NUP214: variants seen among roughly 807,000 people sequenced by gnomAD.
The protein encoded by NUP214 is nucleoporin 214.
A neutral mutation model predicts 196.2 loss-of-function variants in NUP214; 79 were observed. The ratio of observed to expected loss-of-function variants is 0.40; its 90% CI spans 0.34 to 0.49. NUP214 has a LOEUF of 0.49. NUP214 is among the 20% of genes least tolerant of loss of function. The pLI is 0.58. For synonymous variants in NUP214, 1,020 were observed against 990.5 expected, an observed-to-expected ratio of 1.03 and a Z score of -0.56; for missense variants, 2,468 against 2,539.0, an observed-to-expected ratio of 0.97 and a Z score of 0.60.
At chr9:131,214,938 C>G (rs554278840) in intron 30 of NUP214, among the ~76,000 whole-genome samples, 12 of 152,084 alleles carry the variant, frequency 7.9e-5, no homozygotes, top group Non-Finnish European at 1.3e-4. Context: ...ACAGACACTG[C>G]GGGCAGTGTA....
intron 21 of NUP214, among the ~76,000 whole-genome samples, chr9:131,171,234 A>G (rs1832947487): frequency 6.6e-6 from 1 of 152,184 alleles, no homozygotes; most frequent in African/African-American, 2.4e-5. Context: ...GGGTTCCTCC[A>G]CCGAAGGCAG....
At chr9:131,128,239 A>G (rs1251212058) in intron 2 of NUP214, 93 bp from the exon 3 acceptor site, 2 of 1,181,852 alleles carry the variant, frequency 1.7e-6, no homozygotes, top group South Asian at 1.6e-5. Context: ...GTTTATGTAG[A>G]TGCAAAAATT....
intron 3 of NUP214, chr9:131,128,722 C>G (rs545769836): frequency 3.0e-5 from 13 of 427,626 alleles, no homozygotes; most frequent in Non-Finnish European, 5.4e-5. Context: ...GGTGACTTGC[C>G]CAAAGTCATA....
chr9:131,212,109 G>A (rs773584027), intron 30 of NUP214, among the ~76,000 whole-genome samples: 1 of 152,166 alleles, frequency 6.6e-6, no homozygotes, highest in African/African-American at 2.4e-5. Flanking sequence ...TGTCTTACAC[G>A]GTTGTAGATG....
chr9:131,216,727 A>T (rs901125336), intron 31 of NUP214, among the ~76,000 whole-genome samples: 1 of 151,286 alleles, frequency 6.6e-6, no homozygotes, highest in Non-Finnish European at 1.5e-5. Flanking sequence ...GGGTTTTACC[A>T]TGTTGGCCAG....
Position 131,228,249 on chromosome 9 carries a change from C to G in NUP214, c.5992C>G (p.Pro1998Ala), listed in dbSNP as rs759938530. The G allele has an allele frequency of 1.9e-6, 3 of 1,605,708 alleles. No individual in the cohort carries two copies. Among genetic ancestry groups the G allele is most frequent in the Non-Finnish European group, 1.7e-6 (2 of 1,177,314 alleles). Residue 1998 changes from proline (P) to alanine (A), a missense_variant, in exon 33 of 36, where the codon CCA (proline) becomes GCA (alanine). Pro to Ala is a conservative substitution (Grantham distance 27, BLOSUM62 -1). This residue lies in a region of NUP214 where 262 missense variants were observed against 296.5 expected (regional missense o/e 0.88). Coordinates refer to ENST00000359428, the MANE Select transcript of NUP214 (RefSeq NM_005085.4). ...AGGGGTGCCAGCATTCGGTTCAGCC[C>G]CAGCCTTTACAAGCCCTCTGGGCTC... ...FGGVPAFGSA[P>A]AFTSPLGSTG...
At chr9:131,149,822 C>T (rs1458294939) in intron 14 of NUP214, 2 of 154,718 alleles carry the variant, frequency 1.3e-5, no homozygotes, top group African/African-American at 4.8e-5. Context: ...CCCCTGACTT[C>T]ACAGAGCCCA....
intron 17 of NUP214, among the ~76,000 whole-genome samples, chr9:131,154,387 TC>T (rs1048798280): frequency 4.6e-5 from 7 of 152,160 alleles, no homozygotes; most frequent in South Asian, 2.1e-4. Flanking sequence ...CTCTCTCCTT[TC>T]CCCCCAAGTC....
intron 17 of NUP214, among the ~76,000 whole-genome samples, chr9:131,154,430 ATCTGTCTGTCTG>A (rs530889114): frequency 1.3e-5 from 2 of 151,924 alleles, no homozygotes; most frequent in African/African-American, 4.8e-5. Flanking sequence ...CTGTCTATCT[ATCTGTCTGTCTG>A]TCTGTCTATC....
rs1470481550 is a variant in NUP214, at chr9:131,146,916, G to A, written c.1946-574G>A. Among the ~76,000 whole-genome samples the A allele has an allele frequency of 3.5e-5, 5 of 143,536 alleles. No individual in the cohort carries two copies. Among genetic ancestry groups the A allele is most frequent in the East Asian group, 2.1e-4 (1 of 4,716 alleles). 94.2% of individuals were successfully genotyped at this position (143,536 alleles called of 152,430 possible). A position where few individuals can be genotyped will look rare whatever the true frequency, so the allele number is the denominator to read the frequency against. ...CTGCTCTCCAGCCTGGCGACAGAGC[G>A]AGACTCTGTCTCAAAAAAAAAAAAA... On this transcript the variant is annotated intron_variant, in intron 13 of 35. Transcript: ENST00000359428. The surrounding 1 kb of genome is among the most constrained non-coding windows in gnomAD (Gnocchi z 4.6).
In NUP214 at chr9:131,165,613, C is replaced by G. The variant is rs1215435028; in HGVS notation, c.2893+1469C>G. Among the ~76,000 whole-genome samples, 3 of 152,198 alleles carry G rather than the reference C, an allele frequency of 2.0e-5. No homozygotes were observed. In the East Asian group the frequency reaches 5.8e-4, roughly 29 times the overall value. On this transcript the variant is annotated intron_variant, in intron 21 of 35. Transcript: ENST00000359428. Reference sequence around the variant, plus strand: ...TGATTACTGGATGATCCAGCAATTTCACTTCTGGGTATATACCCCAAATAA... The same window carrying G: ...TGATTACTGGATGATCCAGCAATTTGACTTCTGGGTATATACCCCAAATAA...
intron 27 of NUP214, among the ~76,000 whole-genome samples, chr9:131,193,591 T>TAATC (rs1252308868): frequency 6.8e-6 from 1 of 147,306 alleles, no homozygotes; most frequent in Non-Finnish European, 1.5e-5. Context: ...AGATGGCTAA[T>TAATC]AATCAGTCTT....
chr9:131,154,075 G>A (rs187623830), intron 17 of NUP214, among the ~76,000 whole-genome samples: 201 of 152,328 alleles, frequency 1.3e-3, no homozygotes, highest in Non-Finnish European at 2.2e-3. Context: ...TGTATCTGAA[G>A]TGATCAAAGG....
chr9:131,173,964 G>A (rs966586003), intron 21 of NUP214, 91 bp from the exon 22 acceptor site: 28 of 1,306,214 alleles, frequency 2.1e-5, no homozygotes, highest in African/African-American at 3.0e-5. Flanking sequence ...TACAAGTTGA[G>A]TATTTTTTTT....
chr9:131,144,378 G>T lies in NUP214; in HGVS notation c.1393G>T (p.Ala465Ser). 6.2e-7 allele frequency: 1 copy of T among 1,614,096 alleles called. No homozygotes were observed. Among genetic ancestry groups the T allele is most frequent in the Non-Finnish European group, 8.5e-7 (1 of 1,180,020 alleles). ...CTCTCTGCCACCTTCATCACCTGCT[G>T]CTCCCATTGCCACTTTTTCTTTGCT... ...PASLPPSSPAAPIATFSLLPA... is the reference protein window; with the variant it reads ...PASLPPSSPASPIATFSLLPA... The change falls in exon 12 of 36, where the codon GCT becomes TCT. Residue 465 changes from alanine (A) to serine (S), a missense_variant. Around this residue, in one of 5 missense-constraint regions of NUP214, gnomAD observed 1,801 missense variants for 1,779.4 expected, o/e 1.01. Coordinates refer to ENST00000359428, the MANE Select transcript of NUP214 (RefSeq NM_005085.4).
intron 31 of NUP214, among the ~76,000 whole-genome samples, chr9:131,219,882 T>C (rs1049362778): frequency 5.3e-5 from 8 of 152,238 alleles, no homozygotes; most frequent in Non-Finnish European, 1.2e-4. Flanking sequence ...TTTCGGAGTA[T>C]GCATTGAATT....
Position 131,232,391 on chromosome 9 carries a change from C to T in NUP214, c.6239+83C>T. On this transcript the variant is annotated intron_variant, in intron 35 of 35. Coordinates refer to ENST00000359428, the MANE Select transcript of NUP214 (RefSeq NM_005085.4). The surrounding 1 kb of genome is among the most constrained non-coding windows in gnomAD (Gnocchi z 5.1). ...GTGTGTGGATCTTGCTGGATTTGTG[C>T]ATTTTCTTTTCGTTTTTTCCTGTTT... 1 of 1,409,096 alleles carries T rather than the reference C, an allele frequency of 7.1e-7. No homozygotes were observed. Among genetic ancestry groups the T allele is most frequent in the African/African-American group, 1.4e-5 (1 of 69,530 alleles). 87.3% of individuals were successfully genotyped at this position (1,409,096 alleles called of 1,614,324 possible).
At chr9:131,161,353 G>A (rs532796804) in intron 18 of NUP214, among the ~76,000 whole-genome samples, 11 of 151,884 alleles carry the variant, frequency 7.2e-5, no homozygotes, top group African/African-American at 2.4e-4. Flanking sequence ...CGCCTCCGGG[G>A]TTCAGGCGAT....
chr9:131,164,440 GT>G, intron 21 of NUP214: 1 of 348,336 alleles, frequency 2.9e-6, no homozygotes, highest in Admixed American at 4.3e-5. Context: ...ATTCACAAGG[GT>G]TTGAGATAGG....
Sources: allele counts gnomAD v4.1 joint callset (sites outside exome capture counted in the v4.1 genomes callset), GRCh38; gene constraint gnomAD v4.1.1; regional missense constraint gnomAD v4.1.1; non-coding constraint Gnocchi (gnomAD v3.1); transcripts MANE v1.5; gene names NCBI Gene and HGNC (gene_info 2026-07-23, HGNC 2026-07-21).